The following CTNNA1 variants were observed in gnomAD, a reference collection of about 807,000 sequenced individuals.
The protein encoded by CTNNA1 is catenin alpha 1, also known as catenin alpha-1.
CTNNA1 carries 37 observed loss-of-function variants against 98.4 expected under a neutral mutation model. The observed-to-expected ratio is 0.38, with a 90% CI of 0.29 to 0.49. CTNNA1 has a LOEUF of 0.49. CTNNA1 is among the 20% of genes least tolerant of loss of function. The pLI, the probability that CTNNA1 is intolerant of heterozygous loss-of-function variation, is 0.95. For missense variants in CTNNA1, 761 were observed against 1,147.2 expected, an observed-to-expected ratio of 0.66 and a Z score of 4.86; for synonymous variants, 404 against 413.2, an observed-to-expected ratio of 0.98 and a Z score of 0.27.
chr5:138,804,133 T>A (rs907410784), intron 3 of CTNNA1, among the ~76,000 whole-genome samples: 4 of 152,248 alleles, frequency 2.6e-5, no homozygotes, highest in African/African-American at 9.6e-5. Flanking sequence ...GGTATCTTAA[T>A]TGACACTCAC....
chr5:138,831,648 A>C (rs941365335), intron 7 of CTNNA1, among the ~76,000 whole-genome samples: 4 of 152,204 alleles, frequency 2.6e-5, no homozygotes, highest in Admixed American at 6.5e-5. Context: ...TTCAAACTAC[A>C]TCATCTTACA....
Position 138,875,537 on chromosome 5 carries a change from A to G in CTNNA1, c.1063-10675A>G, listed in dbSNP as rs955789109. 3.0e-6 allele frequency: 3 copies of G among 985,378 alleles called. No homozygotes were observed. In the African/African-American group the frequency reaches 5.2e-5, roughly 17 times the overall value. The allele number at this position is 985,378 out of a possible 1,614,324, so 61.0% of individuals were successfully genotyped here. A position where few individuals can be genotyped will look rare whatever the true frequency, so the allele number is the denominator to read the frequency against. ...TGACTTAAAAACATGATATTCCTTC[A>G]GTGTAGGAAGCAGCAGTGAGGTTGT... is the stretch of plus-strand genomic sequence containing the variant. On this transcript the variant is annotated intron_variant, in intron 7 of 17. Transcript: ENST00000302763.
At chr5:138,780,783 T>G (rs1754999433) in intron 1 of CTNNA1, among the ~76,000 whole-genome samples, 1 of 152,194 alleles carries the variant, frequency 6.6e-6, no homozygotes, top group Admixed American at 6.5e-5. Context: ...CCCAAAGTGC[T>G]GGGATTACAG....
chr5:138,851,828 G>C (rs1287672762), intron 7 of CTNNA1, among the ~76,000 whole-genome samples: 1 of 152,042 alleles, frequency 6.6e-6, no homozygotes, highest in Non-Finnish European at 1.5e-5. Context: ...GGCCGAGGCA[G>C]GCGGATCACC....
intron 14 of CTNNA1, 98 bp from the exon 15 acceptor site, chr5:138,930,375 C>T (rs1440750022): frequency 1.4e-5 from 12 of 864,914 alleles, no homozygotes; most frequent in East Asian, 7.4e-5. Context: ...ATTATCCTAC[C>T]TATGCCACAG....
At chr5:138,798,702 A>G (rs1181590130) in intron 3 of CTNNA1, among the ~76,000 whole-genome samples, 3 of 152,192 alleles carry the variant, frequency 2.0e-5, no homozygotes, top group Non-Finnish European at 4.4e-5. Flanking sequence ...CTCCAGAGGA[A>G]CTTATTTTAT....
intron 7 of CTNNA1, among the ~76,000 whole-genome samples, chr5:138,876,334 T>G (rs751248444): frequency 1.3e-5 from 2 of 152,246 alleles, no homozygotes; most frequent in Non-Finnish European, 2.9e-5. Flanking sequence ...AGAACCTGTC[T>G]TGTGAATACA....
intron 5 of CTNNA1, among the ~76,000 whole-genome samples, chr5:138,813,912 C>T (rs1204786304): frequency 6.6e-6 from 1 of 152,172 alleles, no homozygotes; most frequent in East Asian, 1.9e-4. Context: ...GCCACTGTGG[C>T]TAGCTAAATG....
chr5:138,801,540 A>C (rs1757576896), intron 3 of CTNNA1, among the ~76,000 whole-genome samples: 1 of 152,234 alleles, frequency 6.6e-6, no homozygotes, highest in African/African-American at 2.4e-5. Context: ...GTGTTGTTCA[A>C]GGGTGGCTGT....
intron 6 of CTNNA1, among the ~76,000 whole-genome samples, chr5:138,825,931 G>T (rs555589622): frequency 6.6e-6 from 1 of 152,232 alleles, no homozygotes; most frequent in South Asian, 2.1e-4. Flanking sequence ...TTTCAGGGTA[G>T]TAGCACATTT....
chr5:138,917,664 G>A, intron 10 of CTNNA1, 78 bp from the exon 11 acceptor site: 1 of 1,437,196 alleles, frequency 7.0e-7, no homozygotes, highest in Non-Finnish European at 9.6e-7. Flanking sequence ...GTGGTGTGAT[G>A]TCTCCTAGTG....
intron 9 of CTNNA1, 139 bp downstream of exon 9, chr5:138,887,781 C>A: frequency 1.5e-6 from 1 of 679,774 alleles, no homozygotes. Context: ...CTTTCATTAT[C>A]ACTTAACATC....
At chr5:138,864,469 C>T (rs1206655187) in intron 7 of CTNNA1, among the ~76,000 whole-genome samples, 2 of 152,142 alleles carry the variant, frequency 1.3e-5, no homozygotes, top group African/African-American at 4.8e-5. Flanking sequence ...TAATTTTAAC[C>T]TTACCACCTT....
intron 6 of CTNNA1, among the ~76,000 whole-genome samples, chr5:138,826,221 A>G (rs1242379040): frequency 1.3e-5 from 2 of 152,192 alleles, no homozygotes; most frequent in Non-Finnish European, 2.9e-5. Flanking sequence ...CAGTTTGAAA[A>G]CTGAGGGTTC....
chr5:138,765,965 A>G (rs943045022), intron 1 of CTNNA1, among the ~76,000 whole-genome samples: 1 of 151,402 alleles, frequency 6.6e-6, no homozygotes, highest in Non-Finnish European at 1.5e-5. Flanking sequence ...AAAAAAAAAA[A>G]AAAAAAGGCA....
intron 7 of CTNNA1, among the ~76,000 whole-genome samples, chr5:138,844,458 G>A (rs1423232566): frequency 1.3e-5 from 2 of 152,060 alleles, no homozygotes; most frequent in Non-Finnish European, 2.9e-5. Flanking sequence ...TTGGTGGAGG[G>A]GTTAGCTTGC....
intron 5 of CTNNA1, among the ~76,000 whole-genome samples, chr5:138,815,047 C>T (rs994581161): frequency 6.6e-6 from 1 of 152,164 alleles, no homozygotes; most frequent in Non-Finnish European, 1.5e-5. Context: ...CCACCACACT[C>T]TGTCTGGAAT....
At chr5:138,834,447 G>C (rs1761580350) in intron 7 of CTNNA1, among the ~76,000 whole-genome samples, 1 of 152,102 alleles carries the variant, frequency 6.6e-6, no homozygotes, top group South Asian at 2.1e-4. Flanking sequence ...CCATATGCCA[G>C]CCATTGTGCT....
intron 10 of CTNNA1, 193 bp downstream of exon 10, chr5:138,904,634 A>G: frequency 2.9e-6 from 2 of 683,940 alleles, no homozygotes; most frequent in South Asian, 2.5e-5. Flanking sequence ...TGCACGGGAG[A>G]TTACATGTTA....
Sources: gnomAD v4.1 joint callset for allele counts (sites outside exome capture counted in the v4.1 genomes callset) on GRCh38, gnomAD v4.1.1 for gene constraint, MANE v1.5 for transcripts, NCBI Gene and HGNC (gene_info 2026-07-23, HGNC 2026-07-21) for gene names.